The following PLEKHA1 variants were observed in gnomAD, a reference collection of about 807,000 sequenced individuals.
PLEKHA1 encodes the protein pleckstrin homology domain-containing family A member 1.
In PLEKHA1, 34 loss-of-function variants were observed where a neutral mutation model predicts 52.0. That is an observed-to-expected ratio of 0.65 (90% CI 0.50 to 0.87). PLEKHA1 has a LOEUF of 0.87. Among genes scored for constraint, PLEKHA1 ranks in the 40% least tolerant of loss-of-function variants. PLEKHA1 has a pLI of 0.00. For missense variants in PLEKHA1, 497 were observed against 504.2 expected, an observed-to-expected ratio of 0.99 and a Z score of 0.14; for synonymous variants, 163 against 170.7, an observed-to-expected ratio of 0.95 and a Z score of 0.35.
rs529734452 is a variant in PLEKHA1 at position 122,410,597 on chromosome 10, T to C, written c.343-2323T>C. Among the ~76,000 whole-genome samples the C allele has an allele frequency of 1.3e-4, 20 of 152,338 alleles. No homozygotes were observed. In the South Asian group the frequency reaches 4.1e-3, roughly 32 times the overall value. ...TCTTGTTCTTAGGGAATAAGATGAT[T>C]ACAAGTTAGATAATTTTTATAGTAA... On this transcript the variant is annotated intron_variant, in intron 5 of 11. Coordinates refer to ENST00000368990, the MANE Select transcript of PLEKHA1 (RefSeq NM_001001974.4).
At chr10:122,429,526 G>A (rs79043877) in intron 11 of PLEKHA1, 98 bp from the exon 12 acceptor site, 3 of 786,272 alleles carry the variant, frequency 3.8e-6, no homozygotes, top group African/African-American at 2.0e-5. Context: ...GTGTGTGTGT[G>A]TGTGTTTTAT....
rs542811646 is a variant in PLEKHA1, at chr10:122,398,646, A to G, written c.198+672A>G. Among the ~76,000 whole-genome samples the G allele has an allele frequency of 5.9e-5, 9 of 151,710 alleles. No homozygotes were observed. The East Asian group carries it at 1.5e-3, about 26-fold the overall frequency. Reference sequence around the variant, plus strand: ...GCATGTGTGTTACATAAAAGTAATAAAAGTTTGTTGATTACTTATATATGA... The same window carrying G: ...GCATGTGTGTTACATAAAAGTAATAGAAGTTTGTTGATTACTTATATATGA... On this transcript the variant is annotated intron_variant, in intron 3 of 11. Transcript: ENST00000368990.
chr10:122,382,669 T>G (rs945545224), intron 1 of PLEKHA1, among the ~76,000 whole-genome samples: 1 of 152,228 alleles, frequency 6.6e-6, no homozygotes, highest in African/African-American at 2.4e-5. Context: ...TCAGAAATGA[T>G]GTAGTTCATA....
At chr10:122,377,660 AT>A (rs1326067739) in intron 1 of PLEKHA1, among the ~76,000 whole-genome samples, 1 of 152,140 alleles carries the variant, frequency 6.6e-6, no homozygotes, top group Non-Finnish European at 1.5e-5. Context: ...GCATCCTGTT[AT>A]TTGTTATAGC....
Position 122,430,605 on chromosome 10 carries a change from A to G in PLEKHA1, c.*667A>G, listed in dbSNP as rs17103541. ...AACTGTGTCTTAGACATTTGTTTGA[A>G]AAAGCTTCATCAGGCCTTGGAGCAG... is the stretch of plus-strand genomic sequence containing the variant. On this transcript the variant is annotated 3_prime_UTR_variant, in exon 12 of 12. Transcript: ENST00000368990. 14,172 of 152,394 alleles carry G rather than the reference A, an allele frequency of 0.093. 780 individuals are homozygous for G. Among genetic ancestry groups the G allele is most frequent in the Middle Eastern group, 0.17 (51 of 294 alleles). 9.4% of individuals were successfully genotyped at this position (152,394 alleles called of 1,614,324 possible).
At chr10:122,440,845 G>C in the PLEKHA1 span, 4 of 152,140 alleles carry the variant, frequency 2.6e-5, no homozygotes, top group Non-Finnish European at 4.4e-5. Context: ...TAGTAGTAAT[G>C]GCCACTGTAT....
intron 4 of PLEKHA1, among the ~76,000 whole-genome samples, chr10:122,403,506 A>G (rs1470217114): frequency 6.6e-6 from 1 of 152,150 alleles, no homozygotes; most frequent in Non-Finnish European, 1.5e-5. Flanking sequence ...ACTCAAGTGG[A>G]AAAGATAGGA....
At chr10:122,406,861 A>T (rs960618125) in intron 5 of PLEKHA1, among the ~76,000 whole-genome samples, 188 bp downstream of exon 5, 1 of 152,192 alleles carries the variant, frequency 6.6e-6, no homozygotes, top group Non-Finnish European at 1.5e-5. Context: ...TAATCAGCCC[A>T]TGATTGTCTT....
rs201780918 is a variant in PLEKHA1 at position 122,421,790 on chromosome 10, C to G, written c.682-2409C>G. On this transcript the variant is annotated intron_variant, in intron 8 of 11. Coordinates refer to ENST00000368990, the MANE Select transcript of PLEKHA1 (RefSeq NM_001001974.4). Reference sequence around the variant, plus strand: ...ATTAGAGAAATGCAAATTAAAACTGCAATGAAATATTCTCATCTGTCATGA... The same window carrying G: ...ATTAGAGAAATGCAAATTAAAACTGGAATGAAATATTCTCATCTGTCATGA... The G allele has an allele frequency of 2.0e-5, 3 of 152,140 alleles. No individual in the cohort carries two copies. In the East Asian group the frequency reaches 5.8e-4, roughly 29 times the overall value. The allele number at this position is 152,140 out of a possible 1,614,324, so 9.4% of individuals were successfully genotyped here. A position where few individuals can be genotyped will look rare whatever the true frequency, so the allele number is the denominator to read the frequency against.
chr10:122,423,518 C>A (rs560845316), intron 8 of PLEKHA1: 10 of 151,474 alleles, frequency 6.6e-5, no homozygotes, highest in African/African-American at 2.2e-4. Flanking sequence ...CTTAATCTCA[C>A]GCTGTCATAT....
At chr10:122,375,589 C>G (rs2096521046) in intron 1 of PLEKHA1, among the ~76,000 whole-genome samples, 1 of 152,188 alleles carries the variant, frequency 6.6e-6, no homozygotes, top group Non-Finnish European at 1.5e-5. Context: ...TATTGACCTC[C>G]TGGAAAGAGG....
At chr10:122,402,794 C>T (rs1284159152) in intron 4 of PLEKHA1, among the ~76,000 whole-genome samples, 1 of 152,154 alleles carries the variant, frequency 6.6e-6, no homozygotes, top group Non-Finnish European at 1.5e-5. Context: ...TTTAGGGGCA[C>T]TAGTCCCAGA....
chr10:122,427,731 G>A (rs993473673), intron 11 of PLEKHA1, among the ~76,000 whole-genome samples: 3 of 151,978 alleles, frequency 2.0e-5, no homozygotes, highest in Non-Finnish European at 4.4e-5. Context: ...TTTGCATTTG[G>A]AATACTTTGG....
At chr10:122,398,112 T>G (rs2096875813) in intron 3 of PLEKHA1, 138 bp downstream of exon 3, 1 of 618,656 alleles carries the variant, frequency 1.6e-6, no homozygotes, top group Non-Finnish European at 2.8e-6. Flanking sequence ...GGTACCTGAT[T>G]ACTACGTTTA....
chr10:122,437,507 A>G, the PLEKHA1 span: 1 of 152,270 alleles, frequency 6.6e-6, no homozygotes, highest in African/African-American at 2.4e-5. Flanking sequence ...GAGTCTTCAA[A>G]GTATTCGGTG....
intron 5 of PLEKHA1, among the ~76,000 whole-genome samples, chr10:122,411,535 T>C (rs1039499712): frequency 1.9e-4 from 29 of 152,338 alleles, no homozygotes; most frequent in African/African-American, 6.3e-4. Context: ...GCAGTGTTTC[T>C]CAAAGTGTGG....
At chr10:122,386,308 G>GTT (rs67952302) in intron 1 of PLEKHA1, among the ~76,000 whole-genome samples, 36 of 148,386 alleles carry the variant, frequency 2.4e-4, no homozygotes, top group African/African-American at 8.4e-4. Context: ...TGTGTTCCAA[G>GTT]TTTTTTTTTT....
At chr10:122,381,995 A>G (rs2096621406) in intron 1 of PLEKHA1, among the ~76,000 whole-genome samples, 1 of 152,194 alleles carries the variant, frequency 6.6e-6, no homozygotes, top group Non-Finnish European at 1.5e-5. Flanking sequence ...CACTGAGTAT[A>G]TATAGGAAAG....
intron 8 of PLEKHA1, 76 bp downstream of exon 8, chr10:122,418,044 TTGTAC>T: frequency 2.6e-6 from 3 of 1,176,402 alleles, no homozygotes; most frequent in Non-Finnish European, 3.7e-6. Context: ...ATATAATTTC[TTGTAC>T]TGTTCTGTAG....
Sources: gnomAD v4.1 joint callset for allele counts (sites outside exome capture counted in the v4.1 genomes callset) on GRCh38, gnomAD v4.1.1 for gene constraint, MANE v1.5 for transcripts, NCBI Gene and HGNC (gene_info 2026-07-23, HGNC 2026-07-21) for gene names.